Variants in PPP1R7 observed in about 807,000 individuals in gnomAD.
The protein encoded by PPP1R7 is protein phosphatase 1 regulatory subunit 7.
Under a neutral mutation model 45.2 loss-of-function variants are expected in PPP1R7, and 18 were observed. That is an observed-to-expected ratio of 0.40 (90% CI 0.28 to 0.59). The LOEUF is 0.59. PPP1R7 is among the 20% of genes least tolerant of loss of function. The pLI is 0.46. For missense variants in PPP1R7, 314 were observed against 455.8 expected (o/e 0.69, Z 2.83); for synonymous variants, 181 against 183.4 (o/e 0.99, Z 0.11).
intron 2 of PPP1R7, among the ~76,000 whole-genome samples, chr2:241,154,048 C>T (rs1374866391): frequency 6.6e-6 from 1 of 151,312 alleles, no homozygotes; most frequent in Non-Finnish European, 1.5e-5. Flanking sequence ...GGCGTGGCAG[C>T]GTGTGCCTGT....
intron 4 of PPP1R7, chr2:241,158,949 C>G: frequency 2.1e-6 from 1 of 466,910 alleles, no homozygotes; most frequent in Non-Finnish European, 3.9e-6. Flanking sequence ...GCCAACGCCT[C>G]CCTCCCCAAC....
chr2:241,175,577 G>T (rs1378500631), intron 9 of PPP1R7, among the ~76,000 whole-genome samples: 1 of 152,106 alleles, frequency 6.6e-6, no homozygotes, highest in Non-Finnish European at 1.5e-5. Context: ...TATCTCACCA[G>T]CATCTGGAAT....
chr2:241,164,828 A>G (rs1366517564), intron 7 of PPP1R7, among the ~76,000 whole-genome samples: 1 of 152,080 alleles, frequency 6.6e-6, no homozygotes, highest in African/African-American at 2.4e-5. Context: ...CAGGCGGTTC[A>G]TTTGAGGTCA....
At chr2:241,175,820 G>T (rs956461030) in intron 9 of PPP1R7, among the ~76,000 whole-genome samples, 9 of 152,108 alleles carry the variant, frequency 5.9e-5, no homozygotes, top group African/African-American at 2.2e-4. Context: ...TTTTGCTCTT[G>T]TCACCCAGGC....
chr2:241,150,360 G>A (rs2067228943), upstream of PPP1R7: 1 of 1,348,222 alleles, frequency 7.4e-7, no homozygotes, highest in Non-Finnish European at 9.6e-7. Flanking sequence ...CCCATGAGGC[G>A]CTGGGCCCAC....
chr2:241,170,351 T>G (rs2067791377), intron 9 of PPP1R7, among the ~76,000 whole-genome samples: 1 of 152,206 alleles, frequency 6.6e-6, no homozygotes, highest in African/African-American at 2.4e-5. Context: ...ATTTGCCTTG[T>G]ATTTGTCTTG....
intron 2 of PPP1R7, 30 bp from the exon 3 acceptor site, chr2:241,157,777 T>A (rs2067491281): frequency 6.2e-7 from 1 of 1,605,074 alleles, no homozygotes; most frequent in East Asian, 2.2e-5. Flanking sequence ...AATGGGGTTC[T>A]GAACAAATCT....
intron 2 of PPP1R7, among the ~76,000 whole-genome samples, chr2:241,154,177 C>T (rs1464682571): frequency 2.8e-5 from 2 of 71,226 alleles, no homozygotes; most frequent in African/African-American, 8.1e-5. Flanking sequence ...GATACTCCTT[C>T]TCAAAAAAAA....
At chr2:241,151,209 C>G (rs1227543275) in intron 1 of PPP1R7, among the ~76,000 whole-genome samples, 1 of 152,188 alleles carries the variant, frequency 6.6e-6, no homozygotes, top group Non-Finnish European at 1.5e-5. Flanking sequence ...CGTGCACGTA[C>G]AGTATGTGTG....
rs138563754 is a variant in PPP1R7, at chr2:241,156,177, G to A, written c.182-1630G>A. Among the ~76,000 whole-genome samples the A allele has an allele frequency of 9.2e-4, 140 of 152,304 alleles. 1 individual carries two copies. The highest frequency in any genetic ancestry group is 3.3e-3 in the African/African-American group (137 of 41,574). On this transcript the variant is annotated intron_variant, in intron 2 of 9. Coordinates refer to ENST00000234038, the MANE Select transcript of PPP1R7 (RefSeq NM_002712.3). ...GGCTGTGTGAGCTCACTCCCCTGCA[G>A]AAGCAAGTGCACGTTTGCTCTAGGA...
chr2:241,178,858 C>G (rs544840663), intron 9 of PPP1R7, among the ~76,000 whole-genome samples: 1 of 149,108 alleles, frequency 6.7e-6, no homozygotes, highest in African/African-American at 2.5e-5. Context: ...TCACGCATCT[C>G]CTTTGTTAAA....
At chr2:241,157,998 A>T in intron 3 of PPP1R7, 136 bp downstream of exon 3, 1 of 844,414 alleles carries the variant, frequency 1.2e-6, no homozygotes. Flanking sequence ...TCCCGTGTTC[A>T]TGTTTTTCTT....
chr2:241,159,279 G>C lies in PPP1R7; in HGVS notation c.370G>C (p.Glu124Gln). 6.2e-7 allele frequency: 1 copy of C among 1,613,846 alleles called. No homozygotes were observed. Among genetic ancestry groups the C allele is most frequent in the South Asian group, 1.1e-5 (1 of 91,056 alleles). The change falls in exon 5 of 10, where the codon GAG (glutamate) becomes CAG (glutamine). Residue 124 changes from glutamate (E) to glutamine (Q), a missense_variant. Physicochemically the swap from Glu to Gln is conservative, Grantham distance 29. Transcript: ENST00000234038. Reference sequence around the variant, plus strand: ...TCTGGAGGAGCTACAGAGTCTTCGAGAGCTGGATCTTTACGACAACCAGAT... The same window carrying C: ...TCTGGAGGAGCTACAGAGTCTTCGACAGCTGGATCTTTACGACAACCAGAT... ...ENLEELQSLR[E>Q]LDLYDNQIKK...
rs1033747168 is a variant in PPP1R7 at position 241,151,021 on chromosome 2, G to T, written c.52+474G>T. Among the ~76,000 whole-genome samples, 4 of 152,190 alleles carry T rather than the reference G, an allele frequency of 2.6e-5. No homozygotes were observed. The South Asian group carries it at 8.3e-4, about 32-fold the overall frequency. On this transcript the variant is annotated intron_variant, in intron 1 of 9. Coordinates refer to ENST00000234038, the MANE Select transcript of PPP1R7 (RefSeq NM_002712.3). The stretch of plus-strand genomic sequence containing the variant: ...GGGAAGGGGTAACAAGGAACCGGAA[G>T]ATTGAGTTACACAAGGTGATACCTG...
intron 2 of PPP1R7, among the ~76,000 whole-genome samples, chr2:241,157,511 A>G (rs1009083075): frequency 2.0e-5 from 3 of 152,230 alleles, no homozygotes; most frequent in Non-Finnish European, 4.4e-5. Context: ...TCCCACTAAC[A>G]GGTTCAAAAC....
At chr2:241,152,329 CT>C (rs111775168) in intron 1 of PPP1R7, among the ~76,000 whole-genome samples, 2 of 152,336 alleles carry the variant, frequency 1.3e-5, no homozygotes, top group African/African-American at 4.8e-5. Flanking sequence ...TCCAGAAATA[CT>C]TTTGGACTCA....
chr2:241,153,365 C>T, intron 1 of PPP1R7, 111 bp from the exon 2 acceptor site: 1 of 1,444,214 alleles, frequency 6.9e-7, no homozygotes, highest in Admixed American at 1.9e-5. Flanking sequence ...GAACTGGATT[C>T]AACAAACATG....
chr2:241,160,579 C>A, intron 6 of PPP1R7, 85 bp downstream of exon 6: 1 of 1,149,438 alleles, frequency 8.7e-7, no homozygotes, highest in Non-Finnish European at 1.2e-6. Flanking sequence ...ATGTAGAATG[C>A]ATGGTGAGTC....
At chr2:241,163,454 T>TC in intron 7 of PPP1R7, 53 bp downstream of exon 7, 1 of 1,245,980 alleles carries the variant, frequency 8.0e-7, no homozygotes, top group Non-Finnish European at 1.2e-6. Flanking sequence ...GGGCCAGCGC[T>TC]GCTGGACACA....
Sources: allele counts gnomAD v4.1 joint callset (sites outside exome capture counted in the v4.1 genomes callset), GRCh38; gene constraint gnomAD v4.1.1; transcripts MANE v1.5; gene names NCBI Gene and HGNC (gene_info 2026-07-23, HGNC 2026-07-21).